GALNTL6: variants seen among roughly 807,000 people sequenced by gnomAD.
GALNTL6 encodes the protein polypeptide N-acetylgalactosaminyltransferase like 6.
In GALNTL6, 46 loss-of-function variants were observed where a neutral mutation model predicts 73.7. That is an observed-to-expected ratio of 0.62 (90% CI 0.49 to 0.80). The LOEUF (loss-of-function observed/expected upper bound fraction) is 0.80, where lower values mean the gene tolerates loss of function less well. Ranked by LOEUF, GALNTL6 falls within the 30% of genes least tolerant of loss-of-function variation. GALNTL6 has a pLI of 0.00. For missense variants in GALNTL6, 604 were observed against 755.0 expected (o/e 0.80, Z 2.34); for synonymous variants, 259 against 263.7 (o/e 0.98, Z 0.17).
intron 5 of GALNTL6, among the ~76,000 whole-genome samples, chr4:172,628,064 C>T (rs1739239340): frequency 6.6e-6 from 1 of 152,038 alleles, no homozygotes; most frequent in African/African-American, 2.4e-5. Flanking sequence ...AAAATATACT[C>T]ACTACATGCT....
intron 2 of GALNTL6, among the ~76,000 whole-genome samples, chr4:172,175,718 C>T (rs1734967656): frequency 6.6e-6 from 1 of 152,160 alleles, no homozygotes; most frequent in African/African-American, 2.4e-5. Flanking sequence ...AGTGGTTATA[C>T]ATTTTAAATA....
intron 7 of GALNTL6, among the ~76,000 whole-genome samples, chr4:172,855,870 A>T (rs769739802): frequency 3.3e-5 from 5 of 152,140 alleles, no homozygotes; most frequent in Admixed American, 2.6e-4. Flanking sequence ...AGAGGCCTGG[A>T]TGTCGATATG....
chr4:172,608,075 C>T (rs967526504), intron 5 of GALNTL6, among the ~76,000 whole-genome samples: 1 of 152,066 alleles, frequency 6.6e-6, no homozygotes, highest in African/African-American at 2.4e-5. Flanking sequence ...TAATTTCTCC[C>T]ATTCTGTTCT....
At position 172,201,057 on chromosome 4, in the gene GALNTL6, TC is replaced by T. The variant is rs565787515; in HGVS notation, c.139-28596del. Among the ~76,000 whole-genome samples the T allele has an allele frequency of 4.0e-3, 610 of 152,276 alleles. 3 individuals are homozygous for T. Among genetic ancestry groups the T allele is most frequent in the African/African-American group, 0.014 (571 of 41,560 alleles). ...GCTCACTTTATCTCAATACATTATT[TC>T]CCTTAAAAACGATACATAAGGAAAA... On this transcript the variant is annotated intron_variant, in intron 2 of 12. Coordinates refer to ENST00000506823, the MANE Select transcript of GALNTL6 (RefSeq NM_001034845.3).
intron 2 of GALNTL6, among the ~76,000 whole-genome samples, chr4:171,978,127 G>A (rs1176377411): frequency 6.6e-6 from 1 of 151,708 alleles, no homozygotes; most frequent in Non-Finnish European, 1.5e-5. Flanking sequence ...ACAGAAAATG[G>A]GTGATTTTCA....
intron 4 of GALNTL6, among the ~76,000 whole-genome samples, chr4:172,321,795 C>T (rs1250323653): frequency 4.6e-5 from 7 of 152,088 alleles, no homozygotes; most frequent in African/African-American, 1.2e-4. Context: ...CCCCCACCAC[C>T]AGAAATGTCA....
chr4:172,685,006 T>C (rs2111240850), intron 5 of GALNTL6, among the ~76,000 whole-genome samples: 1 of 152,314 alleles, frequency 6.6e-6, no homozygotes, highest in African/African-American at 2.4e-5. Flanking sequence ...AGTATGATTG[T>C]TACCTTGTAC....
chr4:172,355,149 A>G (rs1036827874), intron 5 of GALNTL6, among the ~76,000 whole-genome samples: 2 of 152,088 alleles, frequency 1.3e-5, no homozygotes, highest in East Asian at 3.8e-4. Context: ...GGTAGTCAGA[A>G]CATTGCAAAA....
At chr4:172,252,301 A>G (rs574313148) in intron 3 of GALNTL6, among the ~76,000 whole-genome samples, 3 of 152,080 alleles carry the variant, frequency 2.0e-5, no homozygotes, top group Admixed American at 6.6e-5. Context: ...GAAATAAATT[A>G]TGTGTAAAGG....
chr4:172,604,423 A>G (rs1219484870), intron 5 of GALNTL6, among the ~76,000 whole-genome samples: 2 of 152,186 alleles, frequency 1.3e-5, no homozygotes, highest in Non-Finnish European at 1.5e-5. Flanking sequence ...GAGCAAATAG[A>G]CTTGGTTAGG....
intron 4 of GALNTL6, among the ~76,000 whole-genome samples, chr4:172,339,169 G>A (rs534211334): frequency 5.0e-4 from 76 of 152,066 alleles, no homozygotes; most frequent in African/African-American, 1.7e-3. Context: ...AATGTCTGGA[G>A]ATATGCCTGG....
At chr4:172,280,984 C>A (rs1739027045) in intron 3 of GALNTL6, among the ~76,000 whole-genome samples, 1 of 151,220 alleles carries the variant, frequency 6.6e-6, no homozygotes, top group Admixed American at 6.6e-5. Context: ...CGTGGTGAAA[C>A]CCCATCTCTA....
intron 5 of GALNTL6, among the ~76,000 whole-genome samples, chr4:172,543,826 G>T (rs1735660053): frequency 6.6e-6 from 1 of 152,184 alleles, no homozygotes; most frequent in African/African-American, 2.4e-5. Flanking sequence ...TTCTAATGAA[G>T]ATGTTGAAGA....
intron 12 of GALNTL6, among the ~76,000 whole-genome samples, chr4:173,027,401 A>C (rs1173235128): frequency 6.6e-6 from 1 of 152,252 alleles, no homozygotes; most frequent in Non-Finnish European, 1.5e-5. Context: ...CCATTTATTT[A>C]AAAGACCATT....
At chr4:172,905,812 C>CAAAAAAAAAAAA (rs397996287) in intron 8 of GALNTL6, among the ~76,000 whole-genome samples, 11 of 69,666 alleles carry the variant, frequency 1.6e-4, no homozygotes, top group South Asian at 6.4e-4. Context: ...AGAGATCACT[C>CAAAAAAAAAAAA]AAAAAAAAAA....
chr4:172,503,820 G>C (rs975612387), intron 5 of GALNTL6, among the ~76,000 whole-genome samples: 2 of 152,036 alleles, frequency 1.3e-5, no homozygotes, highest in African/African-American at 2.4e-5. Context: ...GAATGGGCAA[G>C]TAATGCCCAA....
chr4:172,161,288 T>C (rs1490907957), intron 2 of GALNTL6, among the ~76,000 whole-genome samples: 1 of 152,046 alleles, frequency 6.6e-6, no homozygotes. Context: ...AATACCTTTA[T>C]GTATATGTGT....
rs552411822 is a variant in GALNTL6 at position 172,390,298 on chromosome 4, A to G, written c.553+41609A>G. 3.3e-5 allele frequency among the ~76,000 whole-genome samples: 5 copies of G among 152,360 alleles called. No homozygotes were observed. The East Asian group carries it at 7.7e-4, about 23-fold the overall frequency. On this transcript the variant is annotated intron_variant, in intron 5 of 12. Transcript: ENST00000506823. Reference sequence around the variant, plus strand: ...GGATTGTTTATGAAATAGAGCCACTATGGACTGTTTAAACTTTAATTAACA... The same window carrying G: ...GGATTGTTTATGAAATAGAGCCACTGTGGACTGTTTAAACTTTAATTAACA...
At chr4:172,780,691 G>A (rs960114960) in intron 5 of GALNTL6, among the ~76,000 whole-genome samples, 8 of 152,122 alleles carry the variant, frequency 5.3e-5, no homozygotes, top group African/African-American at 1.4e-4. Flanking sequence ...ACAGTAAAAT[G>A]CCACTCCCAT....
Sources: allele counts gnomAD v4.1 joint callset (sites outside exome capture counted in the v4.1 genomes callset), GRCh38; gene constraint gnomAD v4.1.1; transcripts MANE v1.5; gene names NCBI Gene and HGNC (gene_info 2026-07-23, HGNC 2026-07-21).